Variants in SEL1L2 observed in about 807,000 individuals in gnomAD.
SEL1L2 encodes protein sel-1 homolog 2.
Under a neutral mutation model 98.8 loss-of-function variants are expected in SEL1L2, and 89 were observed. That is an observed-to-expected ratio of 0.90 (90% confidence interval 0.76 to 1.07). The LOEUF (loss-of-function observed/expected upper bound fraction) is 1.07. SEL1L2 is among the 50% of genes least tolerant of loss of function. The pLI is 0.00. For synonymous variants in SEL1L2, 262 were observed against 278.5 expected (o/e 0.94, Z 0.59); for missense variants, 788 against 812.0 (o/e 0.97, Z 0.36).
chr20:13,901,061 TTCTTTC>T, intron 5 of SEL1L2, among the ~76,000 whole-genome samples: 1 of 142,588 alleles, frequency 7.0e-6, no homozygotes, highest in Non-Finnish European at 1.5e-5. Context: ...CTTTTTCTTT[TTCTTTC>T]TTTCTTTCTT....
intron 18 of SEL1L2, among the ~76,000 whole-genome samples, chr20:13,852,244 C>T (rs1309325668): frequency 6.6e-6 from 1 of 152,074 alleles, no homozygotes; most frequent in Non-Finnish European, 1.5e-5. Context: ...CATTACAATT[C>T]AGTCATTTAG....
intron 11 of SEL1L2, 80 bp from the exon 12 acceptor site, chr20:13,876,195 T>C: frequency 1.0e-6 from 1 of 987,604 alleles, no homozygotes; most frequent in Non-Finnish European, 1.6e-6. Flanking sequence ...GAAATAGAGG[T>C]AACAGTGGTA....
intron 1 of SEL1L2, among the ~76,000 whole-genome samples, chr20:13,990,183 G>A (rs777614846): frequency 2.0e-5 from 3 of 152,022 alleles, no homozygotes; most frequent in African/African-American, 7.3e-5. Flanking sequence ...TTAACAACTT[G>A]CCCTAAATAT....
At chr20:13,940,016 C>A (rs2049680052) in intron 2 of SEL1L2, among the ~76,000 whole-genome samples, 1 of 152,186 alleles carries the variant, frequency 6.6e-6, no homozygotes, top group South Asian at 2.1e-4. Context: ...TTCACTCATT[C>A]AATACATTTA....
chr20:13,939,045 T>TTTTTTTTTTTTTTTTTTTTTTTTTTTG (rs2049613431), intron 2 of SEL1L2, among the ~76,000 whole-genome samples: 1 of 134,464 alleles, frequency 7.4e-6, no homozygotes, highest in Non-Finnish European at 1.6e-5. Flanking sequence ...GTTTTGTTTT[T>TTTTTTTTTTTTTTTTTTTTTTTTTTTG]TTTTTTTTTT....
intron 1 of SEL1L2, among the ~76,000 whole-genome samples, chr20:13,974,632 C>A (rs896521878): frequency 6.6e-6 from 1 of 151,826 alleles, no homozygotes. Context: ...GTACCCACCA[C>A]CATGCCTGAC....
At chr20:13,935,606 G>C (rs2049410566) in intron 2 of SEL1L2, among the ~76,000 whole-genome samples, 1 of 152,166 alleles carries the variant, frequency 6.6e-6, no homozygotes, top group African/African-American at 2.4e-5. Flanking sequence ...AAGGAAGACA[G>C]GGTAACTGGA....
chr20:13,972,731 T>C (rs920257718), intron 1 of SEL1L2, among the ~76,000 whole-genome samples: 21 of 152,228 alleles, frequency 1.4e-4, no homozygotes, highest in African/African-American at 4.3e-4. Flanking sequence ...AGTGTCTTCT[T>C]ATACTCAGTG....
chr20:13,924,188 T>C (rs190160076), intron 3 of SEL1L2, among the ~76,000 whole-genome samples: 1 of 152,214 alleles, frequency 6.6e-6, no homozygotes. Context: ...TTGTGCATCA[T>C]GTTTTAAGTA....
rs5840588 is a variant in SEL1L2, at chr20:13,917,786, C to CTTTTTTTTTTTTTTTTT, written c.386+1218_386+1234dup. Among the ~76,000 whole-genome samples the CTTTTTTTTTTTTTTTTT allele has an allele frequency of 5.2e-4, 26 of 50,104 alleles. 1 individual carries two copies. Among genetic ancestry groups the CTTTTTTTTTTTTTTTTT allele is most frequent in the Admixed American group, 6.5e-4 (2 of 3,056 alleles). 32.9% of individuals were successfully genotyped at this position (50,104 alleles called of 152,430 possible). On this transcript the variant is annotated intron_variant, in intron 4 of 19. Transcript: ENST00000284951. ...CCATACTTTCTTTATTTCTTTCTTT[C>CTTTTTTTTTTTTTTTTT]TTTTTTTTTTTTTTTTTTTTTTTTT...
rs2047031914 is a variant in SEL1L2, at chr20:13,887,922, A to G, written c.663+20T>C. ...TTTATGGCATACAAATTTGGTTCCA[A>G]GAATATTTTGTTTACAAACCAAAAT... On this transcript the variant is annotated intron_variant, in intron 7 of 19. Transcript: ENST00000284951. The G allele has an allele frequency of 6.2e-7, 1 of 1,613,438 alleles. No individual in the cohort carries two copies. Among genetic ancestry groups the G allele is most frequent in the Non-Finnish European group, 8.5e-7 (1 of 1,179,482 alleles).
At chr20:13,863,968 CA>C (rs11476600) in intron 17 of SEL1L2, among the ~76,000 whole-genome samples, 13,259 of 87,876 alleles carry the variant, frequency 0.15, 634 homozygotes, top group African/African-American at 0.24. Context: ...GACTCCATCT[CA>C]AAAAAAAAAA....
chr20:13,902,288 C>A (rs2047717948), intron 5 of SEL1L2, among the ~76,000 whole-genome samples: 1 of 152,130 alleles, frequency 6.6e-6, no homozygotes, highest in Non-Finnish European at 1.5e-5. Flanking sequence ...GTCATTCCTT[C>A]TTCATTTATT....
chr20:13,920,969 C>G (rs1053652660), intron 3 of SEL1L2, among the ~76,000 whole-genome samples: 7 of 152,064 alleles, frequency 4.6e-5, no homozygotes, highest in African/African-American at 1.2e-4. Context: ...ACCTATACTT[C>G]TAATTAAAGG....
intron 18 of SEL1L2, among the ~76,000 whole-genome samples, chr20:13,858,915 AT>A (rs1568830560): frequency 6.6e-6 from 1 of 152,178 alleles, no homozygotes; most frequent in South Asian, 2.1e-4. Context: ...ACCAGTGGAA[AT>A]TTTAATGGAA....
chr20:13,916,486 TTC>T (rs2048407036), intron 4 of SEL1L2, among the ~76,000 whole-genome samples: 1 of 151,972 alleles, frequency 6.6e-6, no homozygotes, highest in Non-Finnish European at 1.5e-5. Flanking sequence ...CCCATTAGAG[TTC>T]AGTTCTCCAT....
Position 13,979,233 on chromosome 20 carries a change from T to C in SEL1L2, c.58+11244A>G, listed in dbSNP as rs1179233954. Among the ~76,000 whole-genome samples, 6 of 152,114 alleles carry C rather than the reference T, an allele frequency of 3.9e-5. No individual in the cohort carries two copies. The South Asian group carries it at 1.2e-3, about 32-fold the overall frequency. ...GCTCATATAAGTGACAGAGTAGAAT[T>C]GTGGTTATTAGATAATAGGAAGGAT... On this transcript the variant is annotated intron_variant, in intron 1 of 19. Transcript: ENST00000284951.
chr20:13,971,674 A>G (rs2051290149), intron 1 of SEL1L2, among the ~76,000 whole-genome samples: 1 of 151,592 alleles, frequency 6.6e-6, no homozygotes, highest in Non-Finnish European at 1.5e-5. Context: ...AGCGCAGGTG[A>G]TCCACCCACC....
chr20:13,884,471 C>T (rs946745977), intron 10 of SEL1L2, among the ~76,000 whole-genome samples: 10 of 152,034 alleles, frequency 6.6e-5, no homozygotes, highest in African/African-American at 1.2e-4. Flanking sequence ...CTTTTTTCTT[C>T]GCTACACATT....
Sources: allele counts gnomAD v4.1 joint callset (sites outside exome capture counted in the v4.1 genomes callset), GRCh38; gene constraint gnomAD v4.1.1; transcripts MANE v1.5; gene names NCBI Gene and HGNC (gene_info 2026-07-23, HGNC 2026-07-21).